MLIP: variants seen among roughly 807,000 people sequenced by gnomAD.
MLIP encodes muscular LMNA interacting protein.
MLIP carries 79 observed loss-of-function variants against 84.8 expected under a neutral mutation model. The ratio of observed to expected loss-of-function variants is 0.93; its 90% CI spans 0.78 to 1.12. The LOEUF is 1.12. MLIP is among the 50% of genes most tolerant of loss of function. MLIP has a pLI of 0.00. For synonymous variants in MLIP, 504 were observed against 463.0 expected, an observed-to-expected ratio of 1.09 and a Z score of -1.14; for missense variants, 1,257 against 1,160.6, an observed-to-expected ratio of 1.08 and a Z score of -1.21.
intron 1 of MLIP, among the ~76,000 whole-genome samples, chr6:54,086,794 A>G (rs145640334): frequency 1.3e-3 from 200 of 152,010 alleles, no homozygotes; most frequent in Non-Finnish European, 2.0e-3. Context: ...GAGTATTTTC[A>G]CCTAGATATC....
intron 13 of MLIP, among the ~76,000 whole-genome samples, chr6:54,259,246 T>G (rs1783225599): frequency 6.6e-6 from 1 of 151,832 alleles, no homozygotes; most frequent in Admixed American, 6.6e-5. Flanking sequence ...TCTTTCAGTA[T>G]GATAGTGGCA....
At chr6:54,148,725 G>A (rs1561984091) in intron 4 of MLIP, among the ~76,000 whole-genome samples, 1 of 152,118 alleles carries the variant, frequency 6.6e-6, no homozygotes, top group Non-Finnish European at 1.5e-5. Flanking sequence ...CTGTCCTCAT[G>A]TATAGAATAG....
intron 5 of MLIP, among the ~76,000 whole-genome samples, chr6:54,158,483 A>AT (rs1774278219): frequency 6.6e-6 from 1 of 152,070 alleles, no homozygotes; most frequent in South Asian, 2.1e-4. Flanking sequence ...CATGGCATAT[A>AT]TTTTTTGTGT....
At chr6:54,104,594 C>T (rs577172424) in intron 1 of MLIP, among the ~76,000 whole-genome samples, 1 of 152,190 alleles carries the variant, frequency 6.6e-6, no homozygotes, top group East Asian at 1.9e-4. Flanking sequence ...GAAATATATA[C>T]CACCTTCCTT....
Position 54,136,674 on chromosome 6 carries a change from A to T in MLIP, c.646-41A>T, listed in dbSNP as rs1032340015. Reference sequence around the variant, plus strand: ...CAAGAATATTTTGATCGTTTCACAAATAATGTCCTATTTCAATCTGTCTAT... The same window carrying T: ...CAAGAATATTTTGATCGTTTCACAATTAATGTCCTATTTCAATCTGTCTAT... On this transcript the variant is annotated intron_variant, in intron 3 of 13. Transcript: ENST00000502396. 1.7e-5 allele frequency: 23 copies of T among 1,393,930 alleles called. No individual in the cohort carries two copies. The East Asian group carries it at 5.8e-4, about 35-fold the overall frequency. 86.3% of individuals were successfully genotyped at this position (1,393,930 alleles called of 1,614,324 possible).
Position 54,137,551 on chromosome 6 carries a change from T to G in MLIP, c.1482T>G (p.Pro494=). Residue 494 remains proline (P), a synonymous_variant, in exon 4 of 14, where the codon CCT becomes CCG. Transcript: ENST00000502396. ...SELTQQSFHL[P]VFTKSTPLSQ... Reference sequence around the variant, plus strand: ...TGACCCAGCAATCTTTTCACCTGCCTGTTTTCACCAAGTCTACTCCGCTTT... The same window carrying G: ...TGACCCAGCAATCTTTTCACCTGCCGGTTTTCACCAAGTCTACTCCGCTTT... 1 of 1,536,130 alleles carries G rather than the reference T, an allele frequency of 6.5e-7. No individual in the cohort carries two copies. The highest frequency in any genetic ancestry group is 1.2e-5 in the South Asian group (1 of 84,064).
chr6:54,136,446 T>TTAG (rs1426432418), intron 3 of MLIP, among the ~76,000 whole-genome samples: 3 of 152,226 alleles, frequency 2.0e-5, no homozygotes, highest in Non-Finnish European at 4.4e-5. Flanking sequence ...GTCAACGAAT[T>TTAG]ATCTTCCAAC....
At chr6:54,176,628 A>G (rs1776313225) in intron 9 of MLIP, among the ~76,000 whole-genome samples, 1 of 152,126 alleles carries the variant, frequency 6.6e-6, no homozygotes, top group Admixed American at 6.6e-5. Context: ...CATACTGCCC[A>G]AAGTAATTTA....
chr6:54,102,011 T>C (rs966815054), intron 1 of MLIP, among the ~76,000 whole-genome samples: 2 of 152,228 alleles, frequency 1.3e-5, no homozygotes, highest in Non-Finnish European at 1.5e-5. Context: ...CCTGGCTGGC[T>C]ACTGCGTTGT....
chr6:54,049,816 T>C (rs761178332), intron 1 of MLIP, among the ~76,000 whole-genome samples: 2 of 152,172 alleles, frequency 1.3e-5, no homozygotes, highest in African/African-American at 2.4e-5. Context: ...CATTAAATAG[T>C]TTTGGAATGT....
intron 8 of MLIP, among the ~76,000 whole-genome samples, chr6:54,165,227 C>T (rs1352829074): frequency 6.6e-6 from 1 of 151,884 alleles, no homozygotes; most frequent in Admixed American, 6.6e-5. Context: ...GCCATAGTAT[C>T]AACCAGTTCC....
chr6:54,220,290 G>A (rs1343135872), intron 11 of MLIP, among the ~76,000 whole-genome samples: 14 of 151,736 alleles, frequency 9.2e-5, no homozygotes, highest in Non-Finnish European at 1.5e-4. Context: ...TAACAAAACC[G>A]GCATCCAAGG....
rs12528184 is a variant in MLIP, at chr6:54,205,776, T to A, written c.2718+3543T>A. On this transcript the variant is annotated intron_variant, in intron 11 of 13. Coordinates refer to ENST00000502396, the MANE Select transcript of MLIP (RefSeq NM_001281747.2). ...CATCATTGTATATTAGATTTTTTTT[T>A]AAAAAAACGAAACCTTCAAAATGAA... is the stretch of plus-strand genomic sequence containing the variant. Among the ~76,000 whole-genome samples, 516 of 152,196 alleles carry A rather than the reference T, an allele frequency of 3.4e-3. 5 individuals are homozygous for A. Among genetic ancestry groups the A allele is most frequent in the African/African-American group, 8.7e-3 (360 of 41,522 alleles).
chr6:54,185,554 A>G (rs1209980002), intron 9 of MLIP, among the ~76,000 whole-genome samples: 1 of 152,176 alleles, frequency 6.6e-6, no homozygotes, highest in African/African-American at 2.4e-5. Context: ...TCTTTTCCCC[A>G]TGATAATAAT....
chr6:54,098,346 T>TC (rs1257106674), intron 1 of MLIP, among the ~76,000 whole-genome samples: 3 of 148,726 alleles, frequency 2.0e-5, no homozygotes, highest in African/African-American at 7.4e-5. Flanking sequence ...TTTTTTTTTT[T>TC]TGTAGAGACA....
upstream of MLIP, among the ~76,000 whole-genome samples, chr6:54,106,847 G>C (rs1347354422): frequency 6.6e-6 from 1 of 152,154 alleles, no homozygotes; most frequent in African/African-American, 2.4e-5. Context: ...GAAATAAATT[G>C]GAATTCATTG....
In MLIP at chr6:54,241,204, G is replaced by A. The variant is rs534870008; in HGVS notation, c.2922+10287G>A. On this transcript the variant is annotated intron_variant, in intron 12 of 13. Transcript: ENST00000502396. Reference sequence around the variant, plus strand: ...AAACTTTAAAAGAAAAATTATATTGGCATGTTTATAAGTACTAGATTATAA... The same window carrying A: ...AAACTTTAAAAGAAAAATTATATTGACATGTTTATAAGTACTAGATTATAA... Among the ~76,000 whole-genome samples the A allele has an allele frequency of 1.2e-4, 18 of 151,624 alleles. No individual in the cohort carries two copies. In the South Asian group the frequency reaches 3.7e-3, roughly 32 times the overall value.
chr6:54,137,252 A>G lies in MLIP; in HGVS notation c.1183A>G (p.Met395Val), dbSNP rs1477543095. The G allele has an allele frequency of 9.1e-6, 14 of 1,535,918 alleles. No homozygotes were observed. The highest frequency in any genetic ancestry group is 1.1e-5 in the Non-Finnish European group (13 of 1,146,858). The change falls in exon 4 of 14, where the codon ATG becomes GTG. Residue 395 changes from methionine to valine, a missense_variant. Met to Val is a conservative substitution (Grantham distance 21). Coordinates refer to ENST00000502396, the MANE Select transcript of MLIP (RefSeq NM_001281747.2). ...CTCTTCTTCCACCATCTGCAGCCAA[A>G]TGTCATCTAGTGGAAATCTTTCAAA... ...HGSSSTICSQMSSSGNLSKSG... is the reference protein window; with the variant it reads ...HGSSSTICSQVSSSGNLSKSG...
intron 12 of MLIP, among the ~76,000 whole-genome samples, chr6:54,245,694 T>C (rs1782031535): frequency 6.6e-6 from 1 of 152,190 alleles, no homozygotes; most frequent in African/African-American, 2.4e-5. Context: ...TTCTTTAGGT[T>C]GCACCACATG....
Sources: gnomAD v4.1 joint callset for allele counts (sites outside exome capture counted in the v4.1 genomes callset) on GRCh38, gnomAD v4.1.1 for gene constraint, MANE v1.5 for transcripts, NCBI Gene and HGNC (gene_info 2026-07-23, HGNC 2026-07-21) for gene names.